COPS3: variants seen among roughly 807,000 people sequenced by gnomAD.
COPS3 encodes the protein COP9 signalosome subunit 3.
COPS3 carries 10 observed loss-of-function variants against 58.2 expected under a neutral mutation model. That is an observed-to-expected ratio of 0.17 (90% CI 0.11 to 0.29). COPS3 has a LOEUF of 0.29. Among genes scored for constraint, COPS3 ranks in the 10% least tolerant of loss-of-function variants. COPS3 has a pLI of 1.00. For synonymous variants in COPS3, 187 were observed against 181.7 expected (o/e 1.03, Z -0.24); for missense variants, 333 against 510.1 (o/e 0.65, Z 3.34).
At position 17,252,068 on chromosome 17, in the gene COPS3, C is replaced by CA. The variant is rs906559290; in HGVS notation, c.1023+2790dup. ...TGGGTGACAGAGCAAGACTCCGTCTCAAAAAAAAAAAGTCAGGATGGGAAC... is the reference window on the plus strand; with the variant it reads ...TGGGTGACAGAGCAAGACTCCGTCTCAAAAAAAAAAAAGTCAGGATGGGAAC... On this transcript the variant is annotated intron_variant, in intron 9 of 11. Transcript: ENST00000268717. Among the ~76,000 whole-genome samples the CA allele has an allele frequency of 1.7e-3, 236 of 137,142 alleles. 1 individual carries two copies. In the East Asian group the frequency reaches 0.021, roughly 12 times the overall value. 90.0% of individuals were successfully genotyped at this position (137,142 alleles called of 152,430 possible).
chr17:17,260,362 A>C lies in COPS3; in HGVS notation c.875T>G (p.Met292Arg), dbSNP rs745415469. The change falls in exon 8 of 12, where the codon ATG (methionine) becomes AGG (arginine). Residue 292 changes from methionine (M) to arginine (R), a missense_variant. Met to Arg is a moderately conservative substitution (Grantham distance 91, BLOSUM62 -1). Transcript: ENST00000268717. Reference protein sequence around the residue: ...HSETFTRDNNMGLVKQCLSSL... With the variant: ...HSETFTRDNNRGLVKQCLSSL... ...TGACAAGCATTGCTTCACCAGCCCCATGTTGTTATCGCGAGTGAAGGTTTC... is the reference window on the plus strand; with the variant it reads ...TGACAAGCATTGCTTCACCAGCCCCCTGTTGTTATCGCGAGTGAAGGTTTC... The C allele has an allele frequency of 8.7e-6, 14 of 1,614,158 alleles. No individual in the cohort carries two copies. The highest frequency in any genetic ancestry group is 5.0e-5 in the Admixed American group (3 of 60,014).
At chr17:17,280,903 C>A (rs2048569585) in intron 1 of COPS3, 1 of 938,496 alleles carries the variant, frequency 1.1e-6, no homozygotes, top group Non-Finnish European at 1.5e-6. Context: ...GGGCTCCCGG[C>A]GGCCCGAGGG....
chr17:17,265,330 T>C (rs2048197411), intron 5 of COPS3, among the ~76,000 whole-genome samples: 2 of 152,142 alleles, frequency 1.3e-5, no homozygotes, highest in African/African-American at 4.8e-5. Flanking sequence ...GGATTGGGTT[T>C]CAAATTTTCA....
At position 17,248,949 on chromosome 17, in the gene COPS3, T is replaced by C; in HGVS notation, c.1114A>G (p.Met372Val). The change falls in exon 10 of 12, where the codon ATG becomes GTG. Residue 372 changes from methionine (M) to valine (V), a missense_variant. Met to Val is a conservative substitution (Grantham distance 21). Transcript: ENST00000268717. Reference protein sequence around the residue: ...DNPEKYNNPAMLHNIDQEMLK... With the variant: ...DNPEKYNNPAVLHNIDQEMLK... ...ACCTCCTGATCAATGTTATGAAGCA[T>C]GGCTGGGTTATTATATTTTTCAGGG... 4.4e-6 allele frequency: 7 copies of C among 1,604,996 alleles called. No homozygotes were observed. Among genetic ancestry groups the C allele is most frequent in the Non-Finnish European group, 6.0e-6 (7 of 1,174,984 alleles).
At chr17:17,266,716 T>G (rs1396108575) in intron 5 of COPS3, among the ~76,000 whole-genome samples, 1 of 151,812 alleles carries the variant, frequency 6.6e-6, no homozygotes, top group African/African-American at 2.4e-5. Flanking sequence ...GGAGAATTGC[T>G]TGAACCTGGG....
At position 17,260,336 on chromosome 17, in the gene COPS3, A is replaced by T; in HGVS notation, c.901T>A (p.Ser301Thr). Residue 301 changes from serine (S) to threonine (T), a missense_variant, in exon 8 of 12, where the codon TCT becomes ACT. Physicochemically the swap from Ser to Thr is moderately conservative, Grantham distance 58. Transcript: ENST00000268717. Reference sequence around the variant, plus strand: ...CTCTGAATATTCTTCTTATAAAGAGATGACAAGCATTGCTTCACCAGCCCC... The same window carrying T: ...CTCTGAATATTCTTCTTATAAAGAGTTGACAAGCATTGCTTCACCAGCCCC... ...NMGLVKQCLS[S>T]LYKKNIQRLT... is the part of the protein sequence containing the mutation. The T allele has an allele frequency of 1.2e-6, 2 of 1,614,136 alleles. No individual in the cohort carries two copies. The highest frequency in any genetic ancestry group is 1.7e-6 in the Non-Finnish European group (2 of 1,180,004).
chr17:17,257,521 G>A (rs143316355), intron 8 of COPS3, among the ~76,000 whole-genome samples: 236 of 152,116 alleles, frequency 1.6e-3, no homozygotes, highest in African/African-American at 5.5e-3. Flanking sequence ...TACTAGGCCG[G>A]GCGTGGTGGC....
intron 1 of COPS3, chr17:17,280,604 C>T: frequency 7.7e-7 from 1 of 1,302,376 alleles, no homozygotes; most frequent in African/African-American, 1.5e-5. Context: ...TTCTGTAGGA[C>T]CAAAATAGGC....
rs2048263465 is a variant in COPS3 at position 17,267,904 on chromosome 17, A to G, written c.422T>C (p.Ile141Thr). The change falls in exon 5 of 12, where the codon ATA becomes ACA. Residue 141 changes from isoleucine to threonine, a missense_variant. Ile to Thr is a moderately conservative substitution (Grantham distance 89). Coordinates refer to ENST00000268717, the MANE Select transcript of COPS3 (RefSeq NM_003653.4). The part of the protein sequence containing the change: ...MQMNTNQLTS[I>T]HADLCQLCLL... ...GCTTACCTGGCAGAGATCAGCATGTATTGAGGTCAGCTGGTTTGTATTCAT... is the reference window on the plus strand; with the variant it reads ...GCTTACCTGGCAGAGATCAGCATGTGTTGAGGTCAGCTGGTTTGTATTCAT... 4.3e-6 allele frequency: 7 copies of G among 1,614,042 alleles called. No homozygotes were observed. The East Asian group carries it at 1.6e-4, about 36-fold the overall frequency.
chr17:17,280,614 C>T (rs773424282), intron 1 of COPS3: 1 of 1,302,822 alleles, frequency 7.7e-7, no homozygotes. Context: ...CCAAAATAGG[C>T]GCACAGGTTC....
Position 17,281,201 on chromosome 17 carries a change from G to T in COPS3, c.-15C>A. The T allele has an allele frequency of 3.1e-6, 5 of 1,607,330 alleles. No homozygotes were observed. Among genetic ancestry groups the T allele is most frequent in the Non-Finnish European group, 4.2e-6 (5 of 1,177,206 alleles). Reference sequence around the variant, plus strand: ...GCAGACGCCATGTTTTCCCCCGGGCGGCCCGAGCGGCGAAGGCAGCACGCG... The same window carrying T: ...GCAGACGCCATGTTTTCCCCCGGGCTGCCCGAGCGGCGAAGGCAGCACGCG... On this transcript the variant is annotated 5_prime_UTR_variant, in exon 1 of 12. Transcript: ENST00000268717.
chr17:17,281,095 AC>A (rs1790510790), intron 1 of COPS3, 36 bp downstream of exon 1: 2 of 1,594,086 alleles, frequency 1.3e-6, no homozygotes, highest in Non-Finnish European at 1.7e-6. Context: ...AGTTCCCGGT[AC>A]CCGCCCATGC....
intron 1 of COPS3, chr17:17,280,745 C>T (rs1597712970): frequency 2.4e-6 from 3 of 1,240,242 alleles, no homozygotes; most frequent in Non-Finnish European, 3.1e-6. Flanking sequence ...TGCGGATCGG[C>T]GGCAAAGATG....
At chr17:17,281,020 G>T in intron 1 of COPS3, 112 bp downstream of exon 1, 1 of 1,258,464 alleles carries the variant, frequency 7.9e-7, no homozygotes, top group Non-Finnish European at 1.1e-6. Context: ...CCCGGCCCCG[G>T]AGAAGAGTCT....
At chr17:17,273,189 C>T (rs770316646) in intron 2 of COPS3, among the ~76,000 whole-genome samples, 3 of 152,056 alleles carry the variant, frequency 2.0e-5, no homozygotes, top group South Asian at 2.1e-4. Context: ...GGTATGTGTC[C>T]GGAGCAGAGT....
chr17:17,280,795 A>C, intron 1 of COPS3: 1 of 1,270,190 alleles, frequency 7.9e-7, no homozygotes, highest in Non-Finnish European at 1.0e-6. Flanking sequence ...AGAGAGACAG[A>C]AGGAACCAAT....
chr17:17,276,049 G>A lies in COPS3; in HGVS notation c.171C>T (p.Gly57=), dbSNP rs748854402. 19 of 1,613,200 alleles carry A rather than the reference G, an allele frequency of 1.2e-5. No individual in the cohort carries two copies. The highest frequency in any genetic ancestry group is 1.6e-4 in the Middle Eastern group (1 of 6,082). ...ATGCTCCTTACAAAACAGCAAGGACGCCCAAGGAGTGTTCTTGTACATCCA... is the reference window on the plus strand; with the variant it reads ...ATGCTCCTTACAAAACAGCAAGGACACCCAAGGAGTGTTCTTGTACATCCA... ...GALDVQEHSL[G]VLAVLFVKFS... The change falls in exon 2 of 12, where the codon GGC becomes GGT. Residue 57 remains glycine (G), a synonymous_variant. Transcript: ENST00000268717.
At position 17,263,030 on chromosome 17, in the gene COPS3, T is replaced by C. The variant is rs1028078056; in HGVS notation, c.622-924A>G. On this transcript the variant is annotated intron_variant, in intron 6 of 11. Coordinates refer to ENST00000268717, the MANE Select transcript of COPS3 (RefSeq NM_003653.4). ...CTGGCTGGGCGTGTTGGCTCATGCC[T>C]GTAATCCCAGCAATTTGGGAGGCCG... 1.1e-4 allele frequency among the ~76,000 whole-genome samples: 17 copies of C among 151,396 alleles called. 1 individual carries two copies. Among genetic ancestry groups the C allele is most frequent in the African/African-American group, 4.1e-4 (17 of 41,346 alleles).
chr17:17,276,572 C>CTTT (rs369484876), intron 1 of COPS3, among the ~76,000 whole-genome samples: 1 of 143,880 alleles, frequency 7.0e-6, no homozygotes, highest in Non-Finnish European at 1.5e-5. Flanking sequence ...TGGACTACAT[C>CTTT]TTTTTTTTTT....
Sources: gnomAD v4.1 joint callset for allele counts (sites outside exome capture counted in the v4.1 genomes callset) on GRCh38, gnomAD v4.1.1 for gene constraint, MANE v1.5 for transcripts, NCBI Gene and HGNC (gene_info 2026-07-23, HGNC 2026-07-21) for gene names.